Variants in DNER observed in about 807,000 individuals in gnomAD.
DNER encodes delta and Notch-like epidermal growth factor-related receptor.
In DNER, 33 loss-of-function variants were observed where a neutral mutation model predicts 78.2. The ratio of observed to expected loss-of-function variants is 0.42; its 90% CI spans 0.32 to 0.56. The LOEUF (loss-of-function observed/expected upper bound fraction) is 0.56, where lower values mean the gene tolerates loss of function less well. Ranked by LOEUF, DNER falls within the 20% of genes least tolerant of loss-of-function variation. The pLI is 0.11. For missense variants in DNER, 918 were observed against 975.3 expected, an observed-to-expected ratio of 0.94 and a Z score of 0.78; for synonymous variants, 417 against 384.8, an observed-to-expected ratio of 1.08 and a Z score of -0.98.
chr2:229,516,951 C>CA (rs199879957), intron 5 of DNER, among the ~76,000 whole-genome samples: 47,501 of 146,890 alleles, frequency 0.32, 7,848 homozygotes, highest in Middle Eastern at 0.38. Context: ...ACTAAAAATA[C>CA]AAAAAAAAAA....
intron 1 of DNER, among the ~76,000 whole-genome samples, chr2:229,664,128 T>C (rs577068295): frequency 6.6e-6 from 1 of 152,316 alleles, no homozygotes; most frequent in Admixed American, 6.5e-5. Flanking sequence ...TCACAAAATA[T>C]TTGTATATTT....
At chr2:229,511,460 C>T (rs1437090284) in intron 6 of DNER, among the ~76,000 whole-genome samples, 3 of 152,104 alleles carry the variant, frequency 2.0e-5, no homozygotes, top group Non-Finnish European at 4.4e-5. Context: ...CAACACTGTC[C>T]ACTGCACTCT....
In DNER at chr2:229,592,155, A is replaced by G. The variant is rs191610352; in HGVS notation, c.277-267T>C. On this transcript the variant is annotated intron_variant, in intron 1 of 12. Coordinates refer to ENST00000341772, the MANE Select transcript of DNER (RefSeq NM_139072.4). The stretch of plus-strand genomic sequence containing the variant: ...AAACCCAAAACACCCAATAATGTCG[A>G]TTTCAGTAACCAGTTATTTAGAGTA... Among the ~76,000 whole-genome samples, 128 of 152,318 alleles carry G rather than the reference A, an allele frequency of 8.4e-4. No individual in the cohort carries two copies. The Middle Eastern group carries it at 0.014, about 16-fold the overall frequency.
At chr2:229,384,899 A>T (rs761430867) in intron 11 of DNER, among the ~76,000 whole-genome samples, 1 of 152,148 alleles carries the variant, frequency 6.6e-6, no homozygotes, top group Admixed American at 6.6e-5. Context: ...ACTCCTTCCC[A>T]ACTCATTTCA....
chr2:229,586,083 A>C, intron 3 of DNER, 59 bp from the exon 4 acceptor site: 7 of 1,526,784 alleles, frequency 4.6e-6, no homozygotes, highest in Non-Finnish European at 6.2e-6. Flanking sequence ...TCTTAGAACC[A>C]GTTCTTCAAA....
chr2:229,455,372 T>TAA lies in DNER; in HGVS notation c.1262-7833_1262-7832insTT, dbSNP rs1284469781. ...ATGAAGTCAAGTAAGGTGACACATG[T>TAA]GGTCAATAAATGTCGGATTCTTTTC... is the stretch of plus-strand genomic sequence containing the variant. On this transcript the variant is annotated intron_variant, in intron 7 of 12. Coordinates refer to ENST00000341772, the MANE Select transcript of DNER (RefSeq NM_139072.4). Among the ~76,000 whole-genome samples, 29 of 152,258 alleles carry TAA rather than the reference T, an allele frequency of 1.9e-4. 3 individuals are homozygous for TAA. The highest frequency in any genetic ancestry group is 7.0e-4 in the African/African-American group (29 of 41,482).
chr2:229,683,142 T>G (rs1385245615), intron 1 of DNER, among the ~76,000 whole-genome samples: 1 of 152,236 alleles, frequency 6.6e-6, no homozygotes, highest in East Asian at 1.9e-4. Flanking sequence ...GAATACCTTC[T>G]ATGCAGTAGG....
At chr2:229,544,506 A>T (rs1192706058) in intron 5 of DNER, among the ~76,000 whole-genome samples, 4 of 151,188 alleles carry the variant, frequency 2.6e-5, no homozygotes, top group Non-Finnish European at 5.9e-5. Flanking sequence ...TCTATTTATT[A>T]ATTTTTATTA....
At chr2:229,465,295 C>T (rs1275384952) in intron 7 of DNER, among the ~76,000 whole-genome samples, 3 of 152,140 alleles carry the variant, frequency 2.0e-5, no homozygotes, top group African/African-American at 7.2e-5. Context: ...ATGAATGGAG[C>T]TTGAAGCCAT....
intron 6 of DNER, among the ~76,000 whole-genome samples, chr2:229,496,627 G>A (rs1270326613): frequency 6.6e-6 from 1 of 151,868 alleles, no homozygotes; most frequent in Non-Finnish European, 1.5e-5. Context: ...CCATGCAAGT[G>A]GAAACCAAAA....
chr2:229,421,485 T>A (rs1190224595), intron 8 of DNER, among the ~76,000 whole-genome samples: 1 of 150,080 alleles, frequency 6.7e-6, no homozygotes, highest in Non-Finnish European at 1.5e-5. Context: ...TTTTAACCAC[T>A]ATTATATACA....
At chr2:229,517,730 C>A (rs1324137778) in intron 5 of DNER, among the ~76,000 whole-genome samples, 1 of 152,210 alleles carries the variant, frequency 6.6e-6, no homozygotes, top group African/African-American at 2.4e-5. Context: ...TCTGGACATA[C>A]TTTTTGGTTG....
At chr2:229,435,211 C>T (rs1022674973) in intron 8 of DNER, among the ~76,000 whole-genome samples, 23 of 152,140 alleles carry the variant, frequency 1.5e-4, no homozygotes, top group African/African-American at 5.6e-4. Flanking sequence ...GGAAGAAGCC[C>T]CGACTGGTCT....
intron 4 of DNER, among the ~76,000 whole-genome samples, chr2:229,568,685 C>A (rs1341655782): frequency 6.6e-6 from 1 of 152,100 alleles, no homozygotes; most frequent in Admixed American, 6.5e-5. Context: ...CTGACCTACA[C>A]ACTCACTTTT....
intron 1 of DNER, among the ~76,000 whole-genome samples, chr2:229,673,688 T>C (rs992727938): frequency 6.6e-6 from 1 of 152,200 alleles, no homozygotes; most frequent in African/African-American, 2.4e-5. Flanking sequence ...CTTAGCTATG[T>C]AGCACCAAAG....
At position 229,585,935 on chromosome 2, in the gene DNER, C is replaced by T. The variant is rs766669107; in HGVS notation, c.770G>A (p.Ser257Asn). The T allele has an allele frequency of 6.2e-7, 1 of 1,614,108 alleles. No homozygotes were observed. Among genetic ancestry groups the T allele is most frequent in the Non-Finnish European group, 8.5e-7 (1 of 1,180,010 alleles). ...CCCTGAAGCCTGAAGGGGGGTCACA[C>T]TTCGTCCATCTATGAGGGAGCACTG... is the stretch of plus-strand genomic sequence containing the variant. ...FQQCSLIDGR[S>N]VTPLQASGGL... is the part of the protein sequence containing the mutation. Residue 257 changes from serine to asparagine, a missense_variant, in exon 4 of 13, where the codon AGT becomes AAT. Ser to Asn is a conservative substitution (Grantham distance 46). Transcript: ENST00000341772.
intron 1 of DNER, among the ~76,000 whole-genome samples, chr2:229,632,877 T>C (rs1003820265): frequency 3.3e-5 from 5 of 152,070 alleles, no homozygotes; most frequent in African/African-American, 7.2e-5. Context: ...TGAGCAAACA[T>C]GGGGAAAAGC....
intron 11 of DNER, 36 bp downstream of exon 11, chr2:229,388,229 G>A (rs1428992200): frequency 6.3e-7 from 1 of 1,583,278 alleles, no homozygotes; most frequent in East Asian, 2.3e-5. Flanking sequence ...AGCTATAAAT[G>A]TTAAATAACA....
intron 7 of DNER, among the ~76,000 whole-genome samples, chr2:229,469,197 G>A (rs980952914): frequency 3.3e-5 from 5 of 152,122 alleles, no homozygotes; most frequent in Admixed American, 6.5e-5. Context: ...TGTCCTCAAC[G>A]AGCCCAGAGC....
Sources: allele counts gnomAD v4.1 joint callset (sites outside exome capture counted in the v4.1 genomes callset), GRCh38; gene constraint gnomAD v4.1.1; transcripts MANE v1.5; gene names NCBI Gene and HGNC (gene_info 2026-07-23, HGNC 2026-07-21).